Variants in GPR173 observed in about 807,000 individuals in gnomAD.
GPR173 encodes probable G protein-coupled receptor 173.
Under a neutral mutation model 13.9 loss-of-function variants are expected in GPR173, and 2 were observed. The observed-to-expected ratio is 0.14, with a 90% confidence interval of 0.06 to 0.45. GPR173 has a LOEUF of 0.45. Among genes scored for constraint, GPR173 ranks in the 20% least tolerant of loss-of-function variants. GPR173 has a pLI of 0.98. For missense variants in GPR173, 202 were observed against 340.5 expected (o/e 0.59, Z 3.20); for synonymous variants, 131 against 141.0 (o/e 0.93, Z 0.50).
intron 1 of GPR173, among the ~76,000 whole-genome samples, chrX:53,060,161 T>A (rs1932103428): frequency 9.2e-6 from 1 of 109,155 alleles, no homozygotes; most frequent in Non-Finnish European, 1.9e-5. Context: ...AACAAAAAAA[T>A]TTTTTGAGAC....
chrX:53,060,979 CTAA>C (rs1932117633), intron 1 of GPR173, among the ~76,000 whole-genome samples: 1 of 106,022 alleles, frequency 9.4e-6, no homozygotes, highest in Non-Finnish European at 1.9e-5. Flanking sequence ...CTTTTTGAGG[CTAA>C]CTGTATACCA....
At chrX:53,074,167 T>G (rs1932353619) in intron 1 of GPR173, among the ~76,000 whole-genome samples, 2 of 100,021 alleles carry the variant, frequency 2.0e-5, no homozygotes, top group East Asian at 6.3e-4. Flanking sequence ...GAAATATATA[T>G]AAATATACAT....
chrX:53,073,850 A>T (rs868986754), intron 1 of GPR173, among the ~76,000 whole-genome samples: 1 of 52,903 alleles, frequency 1.9e-5, no homozygotes, highest in Non-Finnish European at 3.3e-5. Flanking sequence ...AATTTTATAT[A>T]TATAAATTTA....
At chrX:53,069,855 G>C (rs1932234767) in intron 1 of GPR173, among the ~76,000 whole-genome samples, 1 of 111,260 alleles carries the variant, frequency 9.0e-6, no homozygotes, top group African/African-American at 3.3e-5. Flanking sequence ...GTGTTGGTGA[G>C]CACACCTAAT....
intron 1 of GPR173, among the ~76,000 whole-genome samples, chrX:53,060,025 T>TACAC (rs782269275): frequency 9.7e-5 from 8 of 82,292 alleles, no homozygotes; most frequent in African/African-American, 6.1e-4. Context: ...TATATATATA[T>TACAC]ATATATACAC....
rs1256051942 is a variant in GPR173, at chrX:53,059,109, C to T, written c.-98+9625C>T. On this transcript the variant is annotated intron_variant, in intron 1 of 1. Coordinates refer to ENST00000332582, the MANE Select transcript of GPR173 (RefSeq NM_018969.6). Reference sequence around the variant, plus strand: ...CTAAAAATACAACAAATTAGCCGGGCGTGGTGGCAGGCGCCTGTAGTCCCA... The same window carrying T: ...CTAAAAATACAACAAATTAGCCGGGTGTGGTGGCAGGCGCCTGTAGTCCCA... Among the ~76,000 whole-genome samples the T allele has an allele frequency of 1.2e-4, 13 of 106,498 alleles. 1 individual carries two copies. The highest frequency in any genetic ancestry group is 4.4e-4 in the South Asian group (1 of 2,297). 92.5% of individuals were successfully genotyped at this position (106,498 alleles called of 115,157 possible).
chrX:53,057,678 C>T lies in GPR173; in HGVS notation c.-98+8194C>T, dbSNP rs369607599. Among the ~76,000 whole-genome samples the T allele has an allele frequency of 5.1e-4, 56 of 109,856 alleles. 1 individual carries two copies. Among genetic ancestry groups the T allele is most frequent in the African/African-American group, 1.7e-3 (51 of 30,234 alleles). On this transcript the variant is annotated intron_variant, in intron 1 of 1. Transcript: ENST00000332582. ...CTGAGGCAGGAGTGTCACTTGAACC[C>T]GGGAGGTGGAGGTTGCAGTGAGCTG... is the stretch of plus-strand genomic sequence containing the variant.
chrX:53,070,293 T>A (rs1416037971), intron 1 of GPR173, among the ~76,000 whole-genome samples: 1 of 110,979 alleles, frequency 9.0e-6, no homozygotes, highest in Non-Finnish European at 1.9e-5. Context: ...CGTTCATCCA[T>A]GTGTGTGTTA....
rs1932449007 is a variant in GPR173 at position 53,077,204 on chromosome X, G to A, written c.583G>A (p.Val195Met). 8.3e-7 allele frequency: 1 copy of A among 1,199,846 alleles called. No individual in the cohort carries two copies. The highest frequency in any genetic ancestry group is 2.2e-5 in the Admixed American group (1 of 44,555). ...DTLGFMLMLA[V>M]LMAATHAVYG... ...GCTGGGCTTCATGCTTATGTTGGCT[G>A]TGCTCATGGCAGCTACCCATGCTGT... The change falls in exon 2 of 2, where the codon GTG becomes ATG. Residue 195 changes from valine to methionine, a missense_variant. Val to Met is a conservative substitution (Grantham distance 21, BLOSUM62 1). Around this residue, in one of 3 missense-constraint regions of GPR173, gnomAD observed 28 missense variants for 87.0 expected, o/e 0.32. Transcript: ENST00000332582.
chrX:53,050,866 C>T (rs1556802592), intron 1 of GPR173, among the ~76,000 whole-genome samples: 2 of 111,225 alleles, frequency 1.8e-5, no homozygotes, highest in African/African-American at 6.5e-5. Context: ...GGCAGAGCCT[C>T]CCTCCCCCAC....
At chrX:53,060,013 A>ATT (rs201004844) in intron 1 of GPR173, among the ~76,000 whole-genome samples, 388 of 85,676 alleles carry the variant, frequency 4.5e-3, no homozygotes, top group African/African-American at 0.022. Flanking sequence ...CAAAGTGTAT[A>ATT]TTATATATAT....
chrX:53,059,175 G>A (rs1458470989), intron 1 of GPR173, among the ~76,000 whole-genome samples: 2 of 107,498 alleles, frequency 1.9e-5, no homozygotes, highest in Admixed American at 1.0e-4. Context: ...CGTGAACCTG[G>A]GAGGCAGAGC....
chrX:53,056,401 G>T (rs1229919115), intron 1 of GPR173, among the ~76,000 whole-genome samples: 2 of 110,286 alleles, frequency 1.8e-5, no homozygotes, highest in Non-Finnish European at 3.8e-5. Context: ...CCTATAGGAT[G>T]TGAGCAGGGC....
intron 1 of GPR173, among the ~76,000 whole-genome samples, chrX:53,055,486 T>G (rs1435810647): frequency 9.1e-6 from 1 of 109,853 alleles, no homozygotes; most frequent in African/African-American, 3.3e-5. Context: ...TGTATCTGGG[T>G]GGAGAGTGCA....
At chrX:53,053,692 C>T (rs1356205413) in intron 1 of GPR173, among the ~76,000 whole-genome samples, 2 of 112,585 alleles carry the variant, frequency 1.8e-5, no homozygotes, top group African/African-American at 6.5e-5. Context: ...AGTCTGTGTA[C>T]CTCAGTATGT....
At chrX:53,052,540 C>T (rs933280441) in intron 1 of GPR173, among the ~76,000 whole-genome samples, 7 of 109,470 alleles carry the variant, frequency 6.4e-5, no homozygotes, top group South Asian at 3.9e-4. Context: ...TTTCATTGAA[C>T]ATGTCTGTAT....
intron 1 of GPR173, among the ~76,000 whole-genome samples, chrX:53,052,632 T>TGTGA (rs1569220347): frequency 1.5e-3 from 155 of 106,892 alleles, no homozygotes; most frequent in African/African-American, 5.1e-3. Flanking sequence ...TGTGTGTGTG[T>TGTGA]GAATATGCCT....
intron 1 of GPR173, among the ~76,000 whole-genome samples, chrX:53,049,935 G>GGTGTGT (rs782209160): frequency 0.015 from 1,357 of 92,976 alleles, 18 homozygotes; most frequent in Admixed American, 0.03. Context: ...CTGCTGGCCG[G>GGTGTGT]GTGTGTGTGT....
intron 1 of GPR173, among the ~76,000 whole-genome samples, chrX:53,058,005 G>A (rs1556803355): frequency 8.9e-6 from 1 of 112,259 alleles, no homozygotes; most frequent in African/African-American, 3.2e-5. Flanking sequence ...GACAGAATGA[G>A]CATATCCTAT....
Sources: allele counts gnomAD v4.1 joint callset (sites outside exome capture counted in the v4.1 genomes callset), GRCh38; gene constraint gnomAD v4.1.1; regional missense constraint gnomAD v4.1.1; transcripts MANE v1.5; gene names NCBI Gene and HGNC (gene_info 2026-07-23, HGNC 2026-07-21).